ITPK1: variants seen among roughly 807,000 people sequenced by gnomAD.
ITPK1 encodes inositol 1,3,4-trisphosphate 5/6-kinase.
In ITPK1, 21 loss-of-function variants were observed where a neutral mutation model predicts 45.3. The observed-to-expected ratio is 0.46, with a 90% CI of 0.33 to 0.67. ITPK1 has a LOEUF of 0.67. Among genes scored for constraint, ITPK1 ranks in the 30% least tolerant of loss-of-function variants. The pLI is 0.02. For synonymous variants in ITPK1, 258 were observed against 253.6 expected (o/e 1.02, Z -0.16); for missense variants, 474 against 573.5 (o/e 0.83, Z 1.77).
Position 92,996,539 on chromosome 14 carries a change from A to G in ITPK1, c.247-2542T>C, listed in dbSNP as rs1021310312. ...TGGCACATGTATACATAGGTAACAAACCTGCACGTTGTGCACATGTACCCT... is the reference window on the plus strand; with the variant it reads ...TGGCACATGTATACATAGGTAACAAGCCTGCACGTTGTGCACATGTACCCT... On this transcript the variant is annotated intron_variant, in intron 4 of 10. Coordinates refer to ENST00000267615, the MANE Select transcript of ITPK1 (RefSeq NM_014216.6). 1.2e-4 allele frequency among the ~76,000 whole-genome samples: 18 copies of G among 152,090 alleles called. No homozygotes were observed. In the South Asian group the frequency reaches 1.9e-3, roughly 16 times the overall value.
intron 3 of ITPK1, among the ~76,000 whole-genome samples, chr14:93,075,313 C>G (rs895455872): frequency 8.8e-5 from 10 of 113,126 alleles, no homozygotes; most frequent in African/African-American, 3.4e-4. Flanking sequence ...CACTCCAGAG[C>G]GAGACTCCTT....
intron 4 of ITPK1, among the ~76,000 whole-genome samples, chr14:93,000,327 T>C (rs907472836): frequency 5.9e-5 from 9 of 152,326 alleles, no homozygotes; most frequent in Non-Finnish European, 1.3e-4. Flanking sequence ...TAAATCATAG[T>C]CATAATGATC....
intron 3 of ITPK1, among the ~76,000 whole-genome samples, chr14:93,026,643 C>T (rs796545726): frequency 6.6e-6 from 1 of 152,146 alleles, no homozygotes; most frequent in Non-Finnish European, 1.5e-5. Flanking sequence ...GTGAACTCAC[C>T]CACATATGCA....
intron 4 of ITPK1, among the ~76,000 whole-genome samples, chr14:93,008,475 GGA>G (rs1415954883): frequency 6.6e-6 from 1 of 152,232 alleles, no homozygotes; most frequent in Non-Finnish European, 1.5e-5. Context: ...ACAGATCAGT[GGA>G]GAGACAAACG....
intron 3 of ITPK1, among the ~76,000 whole-genome samples, chr14:93,025,126 G>A (rs1888675511): frequency 6.6e-6 from 1 of 152,182 alleles, no homozygotes; most frequent in Admixed American, 6.5e-5. Flanking sequence ...CAGGAAGCGA[G>A]AACCTGTCCA....
At chr14:92,964,036 C>T (rs940630498) in intron 5 of ITPK1, among the ~76,000 whole-genome samples, 2 of 152,328 alleles carry the variant, frequency 1.3e-5, no homozygotes, top group Non-Finnish European at 2.9e-5. Flanking sequence ...CAAGGTAGAT[C>T]CAGCCTCATT....
At chr14:92,975,979 A>C (rs1885919824) in intron 5 of ITPK1, among the ~76,000 whole-genome samples, 1 of 152,262 alleles carries the variant, frequency 6.6e-6, no homozygotes, top group Admixed American at 6.5e-5. Context: ...CCCCTGCTTC[A>C]TTCTGCACTT....
chr14:93,073,250 T>G (rs1433121594), intron 3 of ITPK1, among the ~76,000 whole-genome samples: 3 of 152,208 alleles, frequency 2.0e-5, no homozygotes, highest in African/African-American at 7.2e-5. Flanking sequence ...GACAGGAACC[T>G]GACCCCAGGC....
rs768120404 is a variant in ITPK1, at chr14:93,012,348, G to A, written c.246+4328C>T. On this transcript the variant is annotated intron_variant, in intron 4 of 10. Transcript: ENST00000267615. The surrounding 1 kb of genome is among the most constrained non-coding windows in gnomAD (Gnocchi z 4.9). ...TGTCATTAATCAGCTCACGAGGGAG[G>A]ACATTTCTTGGGAAGGGGCACTGAG... Among the ~76,000 whole-genome samples, 12 of 152,202 alleles carry A rather than the reference G, an allele frequency of 7.9e-5. No homozygotes were observed. Among genetic ancestry groups the A allele is most frequent in the Non-Finnish European group, 1.8e-4 (12 of 68,034 alleles).
chr14:93,079,186 C>CA (rs1405106244), intron 2 of ITPK1, among the ~76,000 whole-genome samples: 1 of 152,140 alleles, frequency 6.6e-6, no homozygotes, highest in East Asian at 1.9e-4. Flanking sequence ...AAGAAAGCAA[C>CA]AAAAAAGTAA....
intron 3 of ITPK1, chr14:93,069,234 C>A: frequency 6.5e-6 from 1 of 154,314 alleles, no homozygotes; most frequent in Non-Finnish European, 1.5e-5. Flanking sequence ...CTCCCCATGG[C>A]TCTTCCCCCA....
intron 3 of ITPK1, among the ~76,000 whole-genome samples, chr14:93,053,698 C>T (rs1415797191): frequency 1.3e-5 from 2 of 152,106 alleles, no homozygotes; most frequent in African/African-American, 2.4e-5. Context: ...TCCAGGCTAG[C>T]GTGGGATGTT....
chr14:93,062,813 C>A (rs773147491), intron 3 of ITPK1, among the ~76,000 whole-genome samples: 32 of 152,172 alleles, frequency 2.1e-4, no homozygotes, highest in Non-Finnish European at 4.0e-4. Context: ...TACACCAAGG[C>A]GTTTCATCTT....
chr14:93,073,024 C>T (rs539114703), intron 3 of ITPK1, among the ~76,000 whole-genome samples: 2 of 152,366 alleles, frequency 1.3e-5, no homozygotes, highest in South Asian at 4.1e-4. Flanking sequence ...GGGTTTTATG[C>T]CCTGAGGTCT....
chr14:92,955,458 CTA>C (rs1884654094), intron 8 of ITPK1, among the ~76,000 whole-genome samples: 1 of 152,166 alleles, frequency 6.6e-6, no homozygotes, highest in Non-Finnish European at 1.5e-5. Context: ...TAAACCCACT[CTA>C]TAGAAAGGGA....
chr14:93,090,089 A>AC (rs1436825767), intron 2 of ITPK1, among the ~76,000 whole-genome samples: 1 of 150,222 alleles, frequency 6.7e-6, no homozygotes, highest in African/African-American at 2.5e-5. Flanking sequence ...ATGGCTCATC[A>AC]CCCCCCAGCC....
Position 93,082,651 on chromosome 14 carries a change from G to A in ITPK1, c.96-6032C>T, listed in dbSNP as rs57300659. On this transcript the variant is annotated intron_variant, in intron 2 of 10. Coordinates refer to ENST00000267615, the MANE Select transcript of ITPK1 (RefSeq NM_014216.6). ...CCTCCTCCAGTCCACATGACTGGGGGCGGCACGCCCACTCCAGGGGTGGGC... is the reference window on the plus strand; with the variant it reads ...CCTCCTCCAGTCCACATGACTGGGGACGGCACGCCCACTCCAGGGGTGGGC... Among the ~76,000 whole-genome samples, 1,319 of 152,324 alleles carry A rather than the reference G, an allele frequency of 8.7e-3. 28 individuals carry two copies. The highest frequency in any genetic ancestry group is 0.03 in the African/African-American group (1,258 of 41,580).
At chr14:93,074,805 A>T (rs564550685) in intron 3 of ITPK1, among the ~76,000 whole-genome samples, 5 of 152,178 alleles carry the variant, frequency 3.3e-5, no homozygotes, top group Non-Finnish European at 5.9e-5. Flanking sequence ...CAATGGTTAG[A>T]GACCATCTAA....
chr14:93,022,761 A>G (rs1028378712), intron 3 of ITPK1, among the ~76,000 whole-genome samples: 2 of 151,502 alleles, frequency 1.3e-5, no homozygotes, highest in South Asian at 2.1e-4. Flanking sequence ...CCTAAACTCA[A>G]GTGATTCACC....
Sources: allele counts gnomAD v4.1 joint callset (sites outside exome capture counted in the v4.1 genomes callset), GRCh38; gene constraint gnomAD v4.1.1; non-coding constraint Gnocchi (gnomAD v3.1); transcripts MANE v1.5; gene names NCBI Gene and HGNC (gene_info 2026-07-23, HGNC 2026-07-21).